The following LOXHD1 variants were observed in gnomAD, a reference collection of about 807,000 sequenced individuals.
LOXHD1 encodes lipoxygenase homology PLAT domains 1.
Under a neutral mutation model 248.2 loss-of-function variants are expected in LOXHD1, and 205 were observed. That is an observed-to-expected ratio of 0.83 (90% CI 0.74 to 0.93). The LOEUF is 0.93. Ranked by LOEUF, LOXHD1 falls within the 40% of genes least tolerant of loss-of-function variation. The pLI is 0.00. For synonymous variants in LOXHD1, 1,113 were observed against 1,162.8 expected, an observed-to-expected ratio of 0.96 and a Z score of 0.87; for missense variants, 2,930 against 2,971.6, an observed-to-expected ratio of 0.99 and a Z score of 0.33.
chr18:46,559,080 A>T, intron 20 of LOXHD1: 1 of 1,193,612 alleles, frequency 8.4e-7, no homozygotes, highest in Non-Finnish European at 1.1e-6. Flanking sequence ...TCACCTGCCA[A>T]GGCCCAGTTT....
chr18:46,516,077 T>A (rs2035233420), intron 34 of LOXHD1, among the ~76,000 whole-genome samples: 1 of 152,248 alleles, frequency 6.6e-6, no homozygotes, highest in Non-Finnish European at 1.5e-5. Context: ...TAACTGAGTC[T>A]CTTGTTGTAG....
intron 37 of LOXHD1, among the ~76,000 whole-genome samples, chr18:46,494,842 T>C (rs1346735477): frequency 8.6e-5 from 10 of 116,208 alleles, no homozygotes; most frequent in Non-Finnish European, 1.7e-4. Context: ...CTCCTTTTTC[T>C]CTCTCTCTTT....
chr18:46,590,423 G>A (rs946209466), intron 12 of LOXHD1, among the ~76,000 whole-genome samples: 14 of 152,154 alleles, frequency 9.2e-5, no homozygotes, highest in African/African-American at 3.1e-4. Flanking sequence ...ATCTAAAATC[G>A]TGAGAGTTAG....
intron 1 of LOXHD1, among the ~76,000 whole-genome samples, chr18:46,650,235 C>T (rs1385478517): frequency 1.3e-5 from 2 of 152,178 alleles, no homozygotes; most frequent in African/African-American, 2.4e-5. Flanking sequence ...AAATCTTGCA[C>T]TGGAACAGCC....
At chr18:46,647,161 C>T (rs574088155) in intron 2 of LOXHD1, among the ~76,000 whole-genome samples, 2 of 152,344 alleles carry the variant, frequency 1.3e-5, no homozygotes, top group East Asian at 3.9e-4. Flanking sequence ...ATCCTCAGGG[C>T]TGCCCAGGAG....
chr18:46,516,142 C>T (rs1234558440), intron 34 of LOXHD1, among the ~76,000 whole-genome samples: 1 of 152,166 alleles, frequency 6.6e-6, no homozygotes, highest in East Asian at 1.9e-4. Context: ...ATTTCTAGAA[C>T]CAAGTTCAAA....
At chr18:46,619,191 T>A (rs1043444029) in intron 4 of LOXHD1, among the ~76,000 whole-genome samples, 7 of 152,184 alleles carry the variant, frequency 4.6e-5, no homozygotes, top group African/African-American at 1.7e-4. Context: ...CTTCTTACAG[T>A]GGCTTCATAT....
chr18:46,572,765 G>A (rs2144101910), intron 14 of LOXHD1, among the ~76,000 whole-genome samples: 1 of 152,230 alleles, frequency 6.6e-6, no homozygotes, highest in Admixed American at 6.5e-5. Context: ...GCTGTCGGCA[G>A]CCTGCTTAAG....
chr18:46,563,239 T>A lies in LOXHD1; in HGVS notation c.2438-14A>T, dbSNP rs922625700. 2 of 1,483,662 alleles carry A rather than the reference T, an allele frequency of 1.3e-6. No individual in the cohort carries two copies. The highest frequency in any genetic ancestry group is 2.8e-5 in the African/African-American group (2 of 71,746). 91.9% of individuals were successfully genotyped at this position (1,483,662 alleles called of 1,614,324 possible). ...CATAGTGGACCACTGGGTGGGCACGTGCAGAAGAAGTGGAACATTTAGTAA... is the reference window on the plus strand; with the variant it reads ...CATAGTGGACCACTGGGTGGGCACGAGCAGAAGAAGTGGAACATTTAGTAA... On this transcript the variant is annotated splice_polypyrimidine_tract_variant and intron_variant, in intron 17 of 40. Coordinates refer to ENST00000642948, the MANE Select transcript of LOXHD1 (RefSeq NM_001384474.1).
chr18:46,545,830 C>T (rs1336086072), intron 22 of LOXHD1, among the ~76,000 whole-genome samples: 3 of 151,112 alleles, frequency 2.0e-5, no homozygotes, highest in Non-Finnish European at 4.4e-5. Context: ...GGGGTTTCAC[C>T]GTTTTAGCCG....
At chr18:46,549,208 A>C (rs955666913) in intron 21 of LOXHD1, among the ~76,000 whole-genome samples, 16 of 152,228 alleles carry the variant, frequency 1.1e-4, no homozygotes, top group Admixed American at 5.2e-4. Flanking sequence ...AGGTGTTCTA[A>C]GGCAGATAAG....
At chr18:46,536,163 G>T (rs1053714430) in intron 26 of LOXHD1, among the ~76,000 whole-genome samples, 1 of 152,178 alleles carries the variant, frequency 6.6e-6, no homozygotes, top group African/African-American at 2.4e-5. Flanking sequence ...ATGTTATAAA[G>T]ATTAAATGAG....
At chr18:46,477,015 C>G (rs1024354150), downstream of LOXHD1, 5 of 611,476 alleles carry the variant, frequency 8.2e-6, no homozygotes. Context: ...AAAGTATACA[C>G]TTCTTAGCAA....
chr18:46,514,757 C>G (rs969636805), intron 34 of LOXHD1, among the ~76,000 whole-genome samples: 4 of 152,118 alleles, frequency 2.6e-5, no homozygotes, highest in Admixed American at 6.5e-5. Context: ...AAAAAGGGAC[C>G]CAAAATCCTT....
At chr18:46,486,188 A>C (rs1409303759) in intron 38 of LOXHD1, among the ~76,000 whole-genome samples, 1 of 152,154 alleles carries the variant, frequency 6.6e-6, no homozygotes, top group Non-Finnish European at 1.5e-5. Flanking sequence ...GGACACAGTA[A>C]GTGTCTGGCT....
chr18:46,582,130 A>C (rs2037975466), intron 12 of LOXHD1, among the ~76,000 whole-genome samples: 1 of 152,220 alleles, frequency 6.6e-6, no homozygotes, highest in Admixed American at 6.5e-5. Context: ...ATAAGTAAAT[A>C]CATAGAAAAT....
intron 4 of LOXHD1, among the ~76,000 whole-genome samples, chr18:46,620,868 C>T (rs987080585): frequency 6.6e-6 from 1 of 152,180 alleles, no homozygotes; most frequent in African/African-American, 2.4e-5. Flanking sequence ...AAAAGTGAGG[C>T]CTGGGCAGCA....
chr18:46,622,004 C>T (rs1242474219), intron 4 of LOXHD1, among the ~76,000 whole-genome samples: 1 of 152,208 alleles, frequency 6.6e-6, no homozygotes, highest in African/African-American at 2.4e-5. Context: ...TTCTCATTTA[C>T]AGATAAGAAA....
rs114256440 is a variant in LOXHD1 at position 46,559,111 on chromosome 18, T to G, written c.3216+337A>C. ...AGTTTAAGTTGCTCCCTCCCCCTAGTTTTCCCCCAAGACACCATCTTGCGG... is the reference window on the plus strand; with the variant it reads ...AGTTTAAGTTGCTCCCTCCCCCTAGGTTTCCCCCAAGACACCATCTTGCGG... On this transcript the variant is annotated intron_variant, in intron 20 of 40. Coordinates refer to ENST00000642948, the MANE Select transcript of LOXHD1 (RefSeq NM_001384474.1). The G allele has an allele frequency of 5.1e-3, 6,757 of 1,325,498 alleles. 280 individuals are homozygous for G. The African/African-American group carries it at 0.09, about 18-fold the overall frequency. The allele number at this position is 1,325,498 out of a possible 1,614,324, so 82.1% of individuals were successfully genotyped here.
Sources: allele counts gnomAD v4.1 joint callset (sites outside exome capture counted in the v4.1 genomes callset), GRCh38; gene constraint gnomAD v4.1.1; transcripts MANE v1.5; gene names NCBI Gene and HGNC (gene_info 2026-07-23, HGNC 2026-07-21).